HMBOX1: variants seen among roughly 807,000 people sequenced by gnomAD.
HMBOX1 encodes homeobox-containing protein 1.
A neutral mutation model predicts 54.5 loss-of-function variants in HMBOX1; 14 were observed. The observed-to-expected ratio is 0.26, with a 90% confidence interval of 0.17 to 0.40. The LOEUF is 0.40. Among genes scored for constraint, HMBOX1 ranks in the 10% least tolerant of loss-of-function variants. The probability of loss-of-function intolerance (pLI) is 1.00; values close to 1 mark genes in which losing one functional copy is unlikely to be tolerated. For synonymous variants in HMBOX1, 160 were observed against 181.0 expected (o/e 0.88, Z 0.93); for missense variants, 332 against 514.4 (o/e 0.65, Z 3.43).
chr8:28,924,539 T>C (rs1265769533), intron 1 of HMBOX1: 1 of 151,616 alleles, frequency 6.6e-6, no homozygotes, highest in African/African-American at 2.4e-5. Context: ...GATTTTCCCC[T>C]GTTTTCTTCT....
intron 3 of HMBOX1, among the ~76,000 whole-genome samples, chr8:28,974,229 G>GA: frequency 6.6e-6 from 1 of 151,788 alleles, no homozygotes; most frequent in Non-Finnish European, 1.5e-5. Context: ...TTAGGGTTGG[G>GA]AAAAAAAGGT....
intron 3 of HMBOX1, among the ~76,000 whole-genome samples, chr8:28,979,601 A>G (rs1213795963): frequency 6.6e-6 from 1 of 152,200 alleles, no homozygotes; most frequent in Non-Finnish European, 1.5e-5. Flanking sequence ...TTCCTTAATC[A>G]TTTTAAAGGT....
intron 1 of HMBOX1, among the ~76,000 whole-genome samples, chr8:28,939,846 A>G (rs1465695791): frequency 6.6e-6 from 1 of 151,190 alleles, no homozygotes; most frequent in Non-Finnish European, 1.5e-5. Flanking sequence ...CTAACCTCAC[A>G]CTCTGATTGC....
intron 2 of HMBOX1, 61 bp from the exon 3 acceptor site, chr8:28,969,982 T>C: frequency 9.9e-7 from 1 of 1,006,320 alleles, no homozygotes; most frequent in South Asian, 1.5e-5. Flanking sequence ...GCATTCTGTA[T>C]AATATGTGCT....
intron 1 of HMBOX1, among the ~76,000 whole-genome samples, chr8:28,960,817 T>C (rs1825448196): frequency 7.9e-6 from 1 of 126,914 alleles, no homozygotes; most frequent in Non-Finnish European, 1.6e-5. Context: ...AGACGGAGTC[T>C]TGCTCTGTCG....
chr8:28,960,464 A>G (rs2132236385), intron 1 of HMBOX1, among the ~76,000 whole-genome samples: 1 of 151,970 alleles, frequency 6.6e-6, no homozygotes, highest in Admixed American at 6.5e-5. Context: ...TAATGGACAT[A>G]GGGAAAAAAA....
intron 7 of HMBOX1, chr8:29,046,481 C>T (rs1805577380): frequency 6.6e-6 from 1 of 152,242 alleles, no homozygotes; most frequent in African/African-American, 2.4e-5. Context: ...TAAAAAATCA[C>T]ATTGGACTTC....
intron 6 of HMBOX1, among the ~76,000 whole-genome samples, chr8:29,039,307 G>A (rs751730829): frequency 1.3e-5 from 2 of 152,106 alleles, no homozygotes; most frequent in Admixed American, 6.5e-5. Flanking sequence ...CAAAATCAAA[G>A]TTATTAGATC....
At chr8:29,039,558 A>G (rs1291564979) in intron 6 of HMBOX1, among the ~76,000 whole-genome samples, 1 of 152,108 alleles carries the variant, frequency 6.6e-6, no homozygotes, top group African/African-American at 2.4e-5. Context: ...CCATTCATTT[A>G]TTCCCTAATG....
At chr8:28,990,165 CTT>C (rs1179294263) in intron 4 of HMBOX1, among the ~76,000 whole-genome samples, 2 of 152,054 alleles carry the variant, frequency 1.3e-5, no homozygotes, top group Non-Finnish European at 2.9e-5. Flanking sequence ...TTCAATGTGT[CTT>C]CTTTCTTTCT....
chr8:29,005,814 G>T (rs1833370943), intron 4 of HMBOX1, among the ~76,000 whole-genome samples: 1 of 152,058 alleles, frequency 6.6e-6, no homozygotes, highest in Admixed American at 6.6e-5. Context: ...TATTTAAAAT[G>T]AATCATATAT....
intron 6 of HMBOX1, among the ~76,000 whole-genome samples, chr8:29,029,107 T>A (rs1295630601): frequency 6.6e-6 from 1 of 152,218 alleles, no homozygotes; most frequent in African/African-American, 2.4e-5. Context: ...AAAAACACTC[T>A]ACTTCTTGAA....
At chr8:29,044,406 A>C (rs1805280951) in intron 6 of HMBOX1, among the ~76,000 whole-genome samples, 1 of 152,186 alleles carries the variant, frequency 6.6e-6, no homozygotes, top group African/African-American at 2.4e-5. Flanking sequence ...ACTAATAAGC[A>C]TTCTGTTCCC....
intron 1 of HMBOX1, among the ~76,000 whole-genome samples, chr8:28,949,497 A>G (rs554732312): frequency 5.0e-4 from 76 of 152,348 alleles, no homozygotes; most frequent in Middle Eastern, 3.4e-3. Flanking sequence ...TACTTAATAA[A>G]TTCTTATTAA....
chr8:28,925,884 T>C (rs1396785658), intron 1 of HMBOX1, among the ~76,000 whole-genome samples: 1 of 152,208 alleles, frequency 6.6e-6, no homozygotes, highest in African/African-American at 2.4e-5. Flanking sequence ...TAGACACTTG[T>C]GATAAATGAA....
chr8:28,896,451 C>T (rs1004249863), intron 1 of HMBOX1, among the ~76,000 whole-genome samples: 2 of 149,476 alleles, frequency 1.3e-5, no homozygotes, highest in South Asian at 4.2e-4. Flanking sequence ...GAATGATTCT[C>T]CTCCTCTTCA....
chr8:28,923,144 A>G (rs1205291930), intron 1 of HMBOX1, among the ~76,000 whole-genome samples: 3 of 152,222 alleles, frequency 2.0e-5, no homozygotes, highest in South Asian at 2.1e-4. Flanking sequence ...GGTTCAGTTT[A>G]GAAGGAAATT....
At chr8:28,951,286 C>A (rs964770122) in intron 1 of HMBOX1, among the ~76,000 whole-genome samples, 6 of 152,190 alleles carry the variant, frequency 3.9e-5, no homozygotes, top group Non-Finnish European at 8.8e-5. Context: ...GCGCATGCCA[C>A]TACGCCCAGC....
chr8:28,996,389 A>G (rs1831846012), intron 4 of HMBOX1, among the ~76,000 whole-genome samples: 1 of 152,092 alleles, frequency 6.6e-6, no homozygotes. Flanking sequence ...AGTGTTTGCA[A>G]ATATTTTCTC....
Sources: allele counts gnomAD v4.1 joint callset (sites outside exome capture counted in the v4.1 genomes callset), GRCh38; gene constraint gnomAD v4.1.1; transcripts MANE v1.5; gene names NCBI Gene and HGNC (gene_info 2026-07-23, HGNC 2026-07-21).